The following CNTNAP4 variants were observed in gnomAD, a reference collection of about 807,000 sequenced individuals.
The protein encoded by CNTNAP4 is contactin associated protein family member 4.
A neutral mutation model predicts 148.4 loss-of-function variants in CNTNAP4; 98 were observed. The observed-to-expected ratio is 0.66, with a 90% CI of 0.56 to 0.78. The LOEUF is 0.78. Ranked by LOEUF, CNTNAP4 falls within the 30% of genes least tolerant of loss-of-function variation. CNTNAP4 has a pLI of 0.00. For synonymous variants in CNTNAP4, 730 were observed against 565.1 expected (o/e 1.29, Z -4.14); for missense variants, 1,935 against 1,565.6 (o/e 1.24, Z -3.98).
chr16:76,291,657 C>T (rs951231605), intron 1 of CNTNAP4, among the ~76,000 whole-genome samples: 2 of 152,200 alleles, frequency 1.3e-5, no homozygotes, highest in Non-Finnish European at 1.5e-5. Flanking sequence ...AATCTCAGTA[C>T]ACACAGCTCC....
At chr16:76,311,281 A>G (rs920290409) in intron 1 of CNTNAP4, among the ~76,000 whole-genome samples, 1 of 152,182 alleles carries the variant, frequency 6.6e-6, no homozygotes, top group Admixed American at 6.5e-5. Flanking sequence ...TGCAAGCTAT[A>G]GTGAAGGAGG....
intron 3 of CNTNAP4, among the ~76,000 whole-genome samples, chr16:76,419,961 AC>A (rs1196078234): frequency 3.9e-5 from 6 of 151,968 alleles, no homozygotes; most frequent in Admixed American, 3.9e-4. Context: ...CCTCCCAAAG[AC>A]CTCATTTCCA....
intron 8 of CNTNAP4, among the ~76,000 whole-genome samples, chr16:76,454,525 T>G (rs1024281406): frequency 6.6e-6 from 1 of 152,212 alleles, no homozygotes; most frequent in Non-Finnish European, 1.5e-5. Flanking sequence ...AGACTAAATA[T>G]GAATGTCAGT....
chr16:76,353,940 T>G (rs1313704063), intron 2 of CNTNAP4, among the ~76,000 whole-genome samples: 7 of 152,194 alleles, frequency 4.6e-5, no homozygotes, highest in African/African-American at 1.7e-4. Flanking sequence ...TTCTTTGAAT[T>G]AGGTCTTGTA....
chr16:76,282,715 GT>G (rs1958732230), intron 1 of CNTNAP4, among the ~76,000 whole-genome samples: 1 of 151,804 alleles, frequency 6.6e-6, no homozygotes, highest in Admixed American at 6.6e-5. Flanking sequence ...AAATTTCTGG[GT>G]AAATGGTTTG....
At chr16:76,535,402 T>A in intron 17 of CNTNAP4, 143 bp from the exon 18 acceptor site, 2 of 787,106 alleles carry the variant, frequency 2.5e-6, no homozygotes, top group South Asian at 4.0e-5. Context: ...GAGTCTATAT[T>A]TGACCATGAA....
chr16:76,460,975 GT>G (rs1007408132), intron 8 of CNTNAP4, among the ~76,000 whole-genome samples: 1 of 151,294 alleles, frequency 6.6e-6, no homozygotes, highest in African/African-American at 2.4e-5. Context: ...ACATAATCTT[GT>G]TTTATGTGTG....
chr16:76,284,344 G>A (rs890773909), intron 1 of CNTNAP4, among the ~76,000 whole-genome samples: 1 of 151,846 alleles, frequency 6.6e-6, no homozygotes, highest in African/African-American at 2.4e-5. Context: ...TCAAGAACAG[G>A]TCTTGAGTTG....
chr16:76,466,506 C>T (rs1911241), intron 9 of CNTNAP4, among the ~76,000 whole-genome samples: 87,593 of 151,936 alleles, frequency 0.58, 25,519 homozygotes, highest in African/African-American at 0.66. Flanking sequence ...CAAAATATCT[C>T]ATATACCCAC....
chr16:76,537,911 A>G (rs572663291), intron 18 of CNTNAP4, among the ~76,000 whole-genome samples: 2 of 152,262 alleles, frequency 1.3e-5, no homozygotes, highest in Admixed American at 1.3e-4. Context: ...ATACTAGTGC[A>G]TTAATTATAT....
rs540272365 is a variant in CNTNAP4 at position 76,344,724 on chromosome 16, C to T, written c.197-10594C>T. On this transcript the variant is annotated intron_variant, in intron 2 of 23. Coordinates refer to ENST00000611870, the MANE Select transcript of CNTNAP4 (RefSeq NM_033401.5). Reference sequence around the variant, plus strand: ...GTTGTTTAGTCCAGAGACTATTTTCCGTGTATGATCGTATATGAGATCATC... The same window carrying T: ...GTTGTTTAGTCCAGAGACTATTTTCTGTGTATGATCGTATATGAGATCATC... Among the ~76,000 whole-genome samples the T allele has an allele frequency of 4.6e-5, 7 of 152,244 alleles. No homozygotes were observed. In the South Asian group the frequency reaches 8.3e-4, roughly 18 times the overall value.
intron 3 of CNTNAP4, among the ~76,000 whole-genome samples, chr16:76,385,430 G>A (rs1338471500): frequency 6.6e-6 from 1 of 151,916 alleles, no homozygotes; most frequent in Admixed American, 6.6e-5. Context: ...AAAATACAGA[G>A]AAAATATAAA....
At chr16:76,298,861 G>T (rs931506562) in intron 1 of CNTNAP4, among the ~76,000 whole-genome samples, 2 of 152,124 alleles carry the variant, frequency 1.3e-5, no homozygotes, top group East Asian at 3.9e-4. Flanking sequence ...AGTGAGTTGG[G>T]TGGGGGCAGG....
At chr16:76,425,423 T>C (rs1161693075) in intron 3 of CNTNAP4, among the ~76,000 whole-genome samples, 3 of 152,172 alleles carry the variant, frequency 2.0e-5, no homozygotes, top group Admixed American at 6.6e-5. Flanking sequence ...GAGAACCACT[T>C]TGAGCTGAAC....
intron 1 of CNTNAP4, among the ~76,000 whole-genome samples, chr16:76,283,308 A>G (rs1016096667): frequency 1.4e-4 from 22 of 151,974 alleles, no homozygotes; most frequent in African/African-American, 5.3e-4. Context: ...TAGGTTGCCA[A>G]TTAGTCCCAG....
intron 10 of CNTNAP4, among the ~76,000 whole-genome samples, chr16:76,470,457 A>G (rs1233800654): frequency 7.1e-6 from 1 of 141,506 alleles, no homozygotes; most frequent in Non-Finnish European, 1.5e-5. Context: ...CCTGGCTAAC[A>G]TAGCAAAACC....
At chr16:76,473,663 A>AT (rs1481157825) in intron 10 of CNTNAP4, among the ~76,000 whole-genome samples, 2 of 151,994 alleles carry the variant, frequency 1.3e-5, no homozygotes, top group Non-Finnish European at 2.9e-5. Context: ...AGTTCCAGCT[A>AT]CTCGGGAGGC....
At chr16:76,349,381 A>T (rs1965185560) in intron 2 of CNTNAP4, among the ~76,000 whole-genome samples, 1 of 152,168 alleles carries the variant, frequency 6.6e-6, no homozygotes, top group Non-Finnish European at 1.5e-5. Context: ...TGGAGAAGTG[A>T]ACATGAGAAC....
intron 10 of CNTNAP4, 25 bp from the exon 11 acceptor site, chr16:76,475,914 T>C: frequency 6.5e-7 from 1 of 1,538,912 alleles, no homozygotes; most frequent in African/African-American, 1.4e-5. Flanking sequence ...TGGAAACTGG[T>C]GATTGTATCT....
Sources: allele counts gnomAD v4.1 joint callset (sites outside exome capture counted in the v4.1 genomes callset), GRCh38; gene constraint gnomAD v4.1.1; transcripts MANE v1.5; gene names NCBI Gene and HGNC (gene_info 2026-07-23, HGNC 2026-07-21).